Variants in PPP2R3A observed in about 807,000 individuals in gnomAD.
PPP2R3A encodes serine/threonine-protein phosphatase 2A regulatory subunit B'' subunit alpha.
PPP2R3A carries 80 observed loss-of-function variants against 106.9 expected under a neutral mutation model. The ratio of observed to expected loss-of-function variants is 0.75; its 90% confidence interval spans 0.62 to 0.90. The LOEUF is 0.90. Among genes scored for constraint, PPP2R3A ranks in the 40% least tolerant of loss-of-function variants. PPP2R3A has a pLI of 0.00. For synonymous variants in PPP2R3A, 483 were observed against 468.3 expected (o/e 1.03, Z -0.41); for missense variants, 1,386 against 1,350.4 (o/e 1.03, Z -0.41).
chr3:136,008,913 C>A (rs1248847654), intron 2 of PPP2R3A, among the ~76,000 whole-genome samples: 3 of 151,936 alleles, frequency 2.0e-5, no homozygotes, highest in Admixed American at 2.0e-4. Context: ...TCTAATATGC[C>A]CTTCATCCTT....
At position 136,002,346 on chromosome 3, in the gene PPP2R3A, C is replaced by A. The variant is rs755533174; in HGVS notation, c.848C>A (p.Thr283Asn). ...SSETVYMNVMTRLASYLKKLP... is the reference protein window; with the variant it reads ...SSETVYMNVMNRLASYLKKLP... ...GAAACTGTCTATATGAATGTAATGA[C>A]CAGGTTAGCATCCTATCTGAAAAAG... is the stretch of plus-strand genomic sequence containing the variant. The change falls in exon 2 of 14, where the codon ACC becomes AAC. Residue 283 changes from threonine (T) to asparagine (N), a missense_variant. Thr to Asn is a moderately conservative substitution (Grantham distance 65, BLOSUM62 0). Coordinates refer to ENST00000264977, the MANE Select transcript of PPP2R3A (RefSeq NM_002718.5). 4.3e-6 allele frequency: 7 copies of A among 1,613,722 alleles called. No homozygotes were observed. The highest frequency in any genetic ancestry group is 5.9e-6 in the Non-Finnish European group (7 of 1,179,832).
At chr3:136,020,028 C>G (rs559859706) in intron 2 of PPP2R3A, among the ~76,000 whole-genome samples, 41 of 152,182 alleles carry the variant, frequency 2.7e-4, no homozygotes, top group Middle Eastern at 6.8e-3. Flanking sequence ...GAGACCACAT[C>G]TTTATCATCT....
chr3:135,975,868 A>C (rs1248732958), intron 1 of PPP2R3A, among the ~76,000 whole-genome samples: 1 of 152,172 alleles, frequency 6.6e-6, no homozygotes, highest in Non-Finnish European at 1.5e-5. Context: ...AGCACTGATA[A>C]TATTGAATAC....
chr3:136,005,055 A>C (rs1323632260), intron 2 of PPP2R3A, among the ~76,000 whole-genome samples: 1 of 152,180 alleles, frequency 6.6e-6, no homozygotes. Flanking sequence ...CAAAATCCAA[A>C]GTGCTCCAAA....
At chr3:136,055,159 G>T (rs977620390) in intron 5 of PPP2R3A, 1 of 755,730 alleles carries the variant, frequency 1.3e-6, no homozygotes. Flanking sequence ...GCTTACTTTG[G>T]TGTTCAGGAT....
At chr3:135,994,898 A>G (rs1029145804) in intron 1 of PPP2R3A, among the ~76,000 whole-genome samples, 1 of 152,054 alleles carries the variant, frequency 6.6e-6, no homozygotes, top group Non-Finnish European at 1.5e-5. Flanking sequence ...CTCCATCCTA[A>G]CTTATCTGCT....
At chr3:135,983,198 A>G (rs1201165019) in intron 1 of PPP2R3A, among the ~76,000 whole-genome samples, 1 of 152,166 alleles carries the variant, frequency 6.6e-6, no homozygotes, top group Non-Finnish European at 1.5e-5. Flanking sequence ...TCTTACAGAT[A>G]TTTCCACTGG....
Position 136,075,048 on chromosome 3 carries a change from T to C in PPP2R3A, c.2545-3319T>C, listed in dbSNP as rs112308308. On this transcript the variant is annotated intron_variant, in intron 6 of 13. Coordinates refer to ENST00000264977, the MANE Select transcript of PPP2R3A (RefSeq NM_002718.5). The stretch of plus-strand genomic sequence containing the variant: ...TTCTGTACACATACATAGTAAAAAT[T>C]ATTTGTAACTTCTATGTCTGTATTT... Among the ~76,000 whole-genome samples, 13 of 152,302 alleles carry C rather than the reference T, an allele frequency of 8.5e-5. 1 individual carries two copies. Among genetic ancestry groups the C allele is most frequent in the African/African-American group, 2.9e-4 (12 of 41,570 alleles).
intron 7 of PPP2R3A, 138 bp downstream of exon 7, chr3:136,078,591 C>A: frequency 1.6e-6 from 1 of 628,476 alleles, no homozygotes. Flanking sequence ...AAATACCTGT[C>A]GTGGGATGCT....
In PPP2R3A at chr3:136,001,303, G is replaced by A. The variant is rs1933613368; in HGVS notation, c.-196G>A. On this transcript the variant is annotated 5_prime_UTR_variant, in exon 2 of 14. Transcript: ENST00000264977. ...AAATTATTAAATTTGCCACACATGT[G>A]CAGCAGCTACTGTATCCTGATAGTG... The A allele has an allele frequency of 2.0e-6, 1 of 502,176 alleles. No individual in the cohort carries two copies. The highest frequency in any genetic ancestry group is 1.9e-5 in the African/African-American group (1 of 51,446). The allele number at this position is 502,176 out of a possible 1,614,324, so 31.1% of individuals were successfully genotyped here. A position where few individuals can be genotyped will look rare whatever the true frequency, so the allele number is the denominator to read the frequency against.
chr3:136,081,375 C>A (rs972641189), intron 7 of PPP2R3A, among the ~76,000 whole-genome samples: 2 of 151,768 alleles, frequency 1.3e-5, no homozygotes, highest in Non-Finnish European at 2.9e-5. Context: ...GTTTGTCCAT[C>A]TTTTTTTTAA....
At chr3:136,019,619 C>A (rs954156831) in intron 2 of PPP2R3A, among the ~76,000 whole-genome samples, 1 of 152,162 alleles carries the variant, frequency 6.6e-6, no homozygotes, top group African/African-American at 2.4e-5. Flanking sequence ...TTGAAACTAA[C>A]TCGTGTTCTC....
intron 2 of PPP2R3A, among the ~76,000 whole-genome samples, chr3:136,005,891 C>CCAGAAA (rs1396794176): frequency 6.6e-6 from 1 of 152,102 alleles, no homozygotes; most frequent in Non-Finnish European, 1.5e-5. Flanking sequence ...ACCATTATAA[C>CCAGAAA]CAGAAACTCT....
At chr3:135,983,131 C>T (rs1296899661) in intron 1 of PPP2R3A, among the ~76,000 whole-genome samples, 1 of 152,150 alleles carries the variant, frequency 6.6e-6, no homozygotes, top group Non-Finnish European at 1.5e-5. Context: ...GCAATGGGTT[C>T]TGTCAAGGGA....
chr3:135,970,262 A>G (rs1479010168), intron 1 of PPP2R3A, among the ~76,000 whole-genome samples: 2 of 152,240 alleles, frequency 1.3e-5, no homozygotes, highest in Admixed American at 6.5e-5. Context: ...AAGTGGCCAC[A>G]GAGGTACAGT....
intron 1 of PPP2R3A, among the ~76,000 whole-genome samples, chr3:135,986,833 C>A (rs1228891127): frequency 6.6e-6 from 1 of 152,106 alleles, no homozygotes; most frequent in Non-Finnish European, 1.5e-5. Flanking sequence ...TTATTTCTTC[C>A]ATGTTAAAAA....
intron 5 of PPP2R3A, among the ~76,000 whole-genome samples, chr3:136,061,330 T>C (rs1054662740): frequency 6.6e-6 from 1 of 152,122 alleles, no homozygotes; most frequent in Non-Finnish European, 1.5e-5. Context: ...AGTCTTTGGT[T>C]AAAAAGAGCC....
intron 10 of PPP2R3A, among the ~76,000 whole-genome samples, chr3:136,096,377 G>A (rs541395721): frequency 1.2e-4 from 19 of 152,330 alleles, no homozygotes; most frequent in Admixed American, 9.2e-4. Context: ...TTAATCCTGC[G>A]TGAAATGCTG....
chr3:135,970,463 C>T (rs931494021), intron 1 of PPP2R3A, among the ~76,000 whole-genome samples: 13 of 152,284 alleles, frequency 8.5e-5, no homozygotes, highest in Middle Eastern at 3.4e-3. Context: ...GTTTCCTTCA[C>T]AATCTAATTC....
Sources: allele counts gnomAD v4.1 joint callset (sites outside exome capture counted in the v4.1 genomes callset), GRCh38; gene constraint gnomAD v4.1.1; transcripts MANE v1.5; gene names NCBI Gene and HGNC (gene_info 2026-07-23, HGNC 2026-07-21).